Variants in PKD1L1 observed in about 807,000 individuals in gnomAD.
PKD1L1 encodes the protein polycystin 1 like 1, transient receptor potential channel interacting.
PKD1L1 carries 236 observed loss-of-function variants against 323.4 expected under a neutral mutation model. The ratio of observed to expected loss-of-function variants is 0.73; its 90% confidence interval spans 0.66 to 0.81. PKD1L1 has a LOEUF of 0.81. Ranked by LOEUF, PKD1L1 falls within the 40% of genes least tolerant of loss-of-function variation. PKD1L1 has a pLI of 0.00. For missense variants in PKD1L1, 3,320 were observed against 3,508.0 expected, an observed-to-expected ratio of 0.95 and a Z score of 1.35; for synonymous variants, 1,344 against 1,335.0, an observed-to-expected ratio of 1.01 and a Z score of -0.15.
At position 47,931,200 on chromosome 7, in the gene PKD1L1, G is replaced by C. The variant is rs758722669; in HGVS notation, c.641C>G (p.Thr214Arg). 1 of 1,614,210 alleles carries C rather than the reference G, an allele frequency of 6.2e-7. No individual in the cohort carries two copies. ...VATGLLPGTVTMETPTKVARP... is the reference protein window; with the variant it reads ...VATGLLPGTVRMETPTKVARP... ...GGCCACCTTGGTGGGGGTCTCCATC[G>C]TGACAGTCCCAGGAAGCAGCCCCGT... Residue 214 changes from threonine (T) to arginine (R), a missense_variant, in exon 6 of 57, where the codon ACG becomes AGG. Thr to Arg is a moderately conservative substitution (Grantham distance 71). Coordinates refer to ENST00000289672, the MANE Select transcript of PKD1L1 (RefSeq NM_138295.5).
At chr7:47,863,863 A>AC (rs1248972482) in intron 26 of PKD1L1, among the ~76,000 whole-genome samples, 3 of 152,140 alleles carry the variant, frequency 2.0e-5, no homozygotes, top group Non-Finnish European at 2.9e-5. Flanking sequence ...CTCTTAAAAA[A>AC]ACACACACAC....
Position 47,774,654 on chromosome 7 carries a change from G to A in PKD1L1, c.*489C>T, listed in dbSNP as rs1283366604. The stretch of plus-strand genomic sequence containing the variant: ...CATTTTATATTGAATTAGTAAATCA[G>A]GAAAGATGCGTTATTAATCTAGCAA... On this transcript the variant is annotated 3_prime_UTR_variant, in exon 57 of 57. Coordinates refer to ENST00000289672, the MANE Select transcript of PKD1L1 (RefSeq NM_138295.5). 2.0e-5 allele frequency: 3 copies of A among 152,342 alleles called. No homozygotes were observed. Among genetic ancestry groups the A allele is most frequent in the African/African-American group, 7.2e-5 (3 of 41,408 alleles). 9.4% of individuals were successfully genotyped at this position (152,342 alleles called of 1,614,324 possible).
At chr7:47,785,427 G>T (rs545850581) in intron 56 of PKD1L1, among the ~76,000 whole-genome samples, 1 of 152,140 alleles carries the variant, frequency 6.6e-6, no homozygotes, top group Non-Finnish European at 1.5e-5. Flanking sequence ...TGCATGAAAC[G>T]TGAAAGTGTT....
chr7:47,852,139 T>C (rs940769076), intron 31 of PKD1L1, among the ~76,000 whole-genome samples: 9 of 152,150 alleles, frequency 5.9e-5, no homozygotes, highest in African/African-American at 2.2e-4. Flanking sequence ...CTCTAACGGC[T>C]TGTCCTCTCC....
chr7:47,932,483 A>C (rs1374137546), intron 4 of PKD1L1, among the ~76,000 whole-genome samples: 2 of 152,232 alleles, frequency 1.3e-5, no homozygotes, highest in Non-Finnish European at 2.9e-5. Flanking sequence ...TTCCGAGTGC[A>C]GTCAAACCTG....
intron 41 of PKD1L1, 57 bp from the exon 42 acceptor site, chr7:47,831,409 A>T: frequency 6.4e-7 from 1 of 1,560,738 alleles, no homozygotes; most frequent in Non-Finnish European, 8.7e-7. Context: ...ATCTCCATCC[A>T]CGCGGAGTGT....
At chr7:47,781,911 T>C (rs555126323) in intron 56 of PKD1L1, among the ~76,000 whole-genome samples, 11 of 152,212 alleles carry the variant, frequency 7.2e-5, no homozygotes, top group Non-Finnish European at 1.5e-4. Context: ...GGTAACATTG[T>C]CAAAAATGCT....
At chr7:47,819,742 C>T (rs1785101660) in intron 46 of PKD1L1, 1 of 377,366 alleles carries the variant, frequency 2.6e-6, no homozygotes, top group African/African-American at 2.2e-5. Context: ...GGTCACAACA[C>T]TGACAAAGGG....
chr7:47,780,418 G>T (rs1328381586), intron 56 of PKD1L1, among the ~76,000 whole-genome samples: 1 of 152,110 alleles, frequency 6.6e-6, no homozygotes, highest in South Asian at 2.1e-4. Flanking sequence ...GATGACTTGA[G>T]GTCAGGAGTT....
chr7:47,846,438 T>G (rs551427635), intron 32 of PKD1L1, among the ~76,000 whole-genome samples: 1 of 152,306 alleles, frequency 6.6e-6, no homozygotes, highest in African/African-American at 2.4e-5. Context: ...CCTCTGAAGA[T>G]GAGGGACTCT....
At chr7:47,793,299 T>C (rs1786995900) in intron 55 of PKD1L1, among the ~76,000 whole-genome samples, 1 of 152,128 alleles carries the variant, frequency 6.6e-6, no homozygotes, top group Admixed American at 6.5e-5. Context: ...TTTGGTTGTG[T>C]CCCCATTCAA....
intron 3 of PKD1L1, among the ~76,000 whole-genome samples, chr7:47,939,822 C>T (rs960093401): frequency 2.6e-5 from 4 of 152,076 alleles, no homozygotes; most frequent in Admixed American, 6.5e-5. Context: ...CCCCACTCCC[C>T]GCTTGAGGGG....
chr7:47,910,826 TTGTGTGTGTGTG>T (rs60550498), intron 8 of PKD1L1, among the ~76,000 whole-genome samples: 2 of 126,078 alleles, frequency 1.6e-5, no homozygotes, highest in Non-Finnish European at 3.2e-5. Context: ...CCAGCTGATT[TTGTGTGTGTGTG>T]TGTGTGTGTG....
At chr7:47,956,055 C>T in the PKD1L1 span, among the ~76,000 whole-genome samples, 12 of 152,194 alleles carry the variant, frequency 7.9e-5, no homozygotes, top group Non-Finnish European at 1.2e-4. Flanking sequence ...CTCCCTACCA[C>T]ATAATTTCAA....
intron 8 of PKD1L1, among the ~76,000 whole-genome samples, chr7:47,908,741 G>C (rs1787260045): frequency 6.6e-6 from 1 of 152,144 alleles, no homozygotes; most frequent in Admixed American, 6.5e-5. Context: ...ATATGACTCT[G>C]TGGCTCCTCT....
At chr7:47,836,880 C>T (rs1458710000) in intron 37 of PKD1L1, 41 bp downstream of exon 37, 2 of 1,590,774 alleles carry the variant, frequency 1.3e-6, no homozygotes, top group Middle Eastern at 2.1e-4. Context: ...ACAGTGTAGT[C>T]GGATCTGGAA....
At chr7:47,950,584 C>T (rs1788190067), upstream of PKD1L1, among the ~76,000 whole-genome samples, 1 of 152,152 alleles carries the variant, frequency 6.6e-6, no homozygotes, top group South Asian at 2.1e-4. Context: ...GTGATGCACG[C>T]CTGTAATCCC....
chr7:47,888,301 T>C (rs1185626712), intron 16 of PKD1L1, 151 bp from the exon 17 acceptor site: 3 of 781,180 alleles, frequency 3.8e-6, no homozygotes, highest in Non-Finnish European at 6.0e-6. Flanking sequence ...TGATGGCACA[T>C]ATGGAGTGGC....
chr7:47,804,286 G>C (rs1421509957), intron 52 of PKD1L1, among the ~76,000 whole-genome samples: 1 of 152,078 alleles, frequency 6.6e-6, no homozygotes, highest in African/African-American at 2.4e-5. Flanking sequence ...CACCGGCCAA[G>C]AAAAATGCAA....
Sources: allele counts gnomAD v4.1 joint callset (sites outside exome capture counted in the v4.1 genomes callset), GRCh38; gene constraint gnomAD v4.1.1; transcripts MANE v1.5; gene names NCBI Gene and HGNC (gene_info 2026-07-23, HGNC 2026-07-21).